DLGAP1: variants seen among roughly 807,000 people sequenced by gnomAD.
DLGAP1 encodes DLG associated protein 1, also known as disks large-associated protein 1.
A neutral mutation model predicts 90.8 loss-of-function variants in DLGAP1; 11 were observed. That is an observed-to-expected ratio of 0.12 (90% CI 0.08 to 0.20). The LOEUF (loss-of-function observed/expected upper bound fraction) is 0.20. DLGAP1 is among the 10% of genes least tolerant of loss of function. The pLI is 1.00. For missense variants in DLGAP1, 1,050 were observed against 1,333.8 expected, an observed-to-expected ratio of 0.79 and a Z score of 3.31; for synonymous variants, 558 against 540.7, an observed-to-expected ratio of 1.03 and a Z score of -0.44.
intron 7 of DLGAP1, among the ~76,000 whole-genome samples, chr18:3,625,828 A>G (rs1214857724): frequency 6.6e-6 from 1 of 152,218 alleles, no homozygotes; most frequent in Non-Finnish European, 1.5e-5. Context: ...CATGTCACAA[A>G]TTCCTTGAAC....
chr18:4,407,900 A>G (rs993000001), intron 1 of DLGAP1, among the ~76,000 whole-genome samples: 1 of 151,072 alleles, frequency 6.6e-6, no homozygotes, highest in East Asian at 1.9e-4. Flanking sequence ...ATATAAATAA[A>G]TAAGAAAAGT....
intron 1 of DLGAP1, among the ~76,000 whole-genome samples, chr18:4,237,192 T>C (rs140174109): frequency 6.6e-6 from 1 of 152,266 alleles, no homozygotes; most frequent in East Asian, 1.9e-4. Context: ...GAAGCTTCGG[T>C]CCTTGCCTAT....
chr18:4,153,363 C>T (rs7235894), intron 1 of DLGAP1, among the ~76,000 whole-genome samples: 28,327 of 152,096 alleles, frequency 0.19, 3,356 homozygotes, highest in East Asian at 0.53. Context: ...CCAATTCTGT[C>T]TGATTTACTC....
At chr18:4,075,801 G>T (rs2143532882) in intron 2 of DLGAP1, among the ~76,000 whole-genome samples, 1 of 152,300 alleles carries the variant, frequency 6.6e-6, no homozygotes, top group Middle Eastern at 3.4e-3. Context: ...TTATAGAGTT[G>T]TTCTTTGTTC....
chr18:4,100,871 C>T (rs979685259), intron 2 of DLGAP1, among the ~76,000 whole-genome samples: 3 of 152,190 alleles, frequency 2.0e-5, no homozygotes, highest in African/African-American at 7.2e-5. Flanking sequence ...GCATCTTTCT[C>T]ATCTCTTTCA....
At position 4,008,719 on chromosome 18, in the gene DLGAP1, T is replaced by C. The variant is rs1354579346; in HGVS notation, c.-158-3518A>G. Among the ~76,000 whole-genome samples the C allele has an allele frequency of 3.3e-5, 5 of 152,226 alleles. No homozygotes were observed. In the East Asian group the frequency reaches 9.6e-4, roughly 29 times the overall value. ...AATAACAATTCCTATACAACTACCATATGCTTTTGATTTAGGTAGTTCAGT... is the reference window on the plus strand; with the variant it reads ...AATAACAATTCCTATACAACTACCACATGCTTTTGATTTAGGTAGTTCAGT... On this transcript the variant is annotated intron_variant, in intron 2 of 12. Transcript: ENST00000315677.
intron 7 of DLGAP1, among the ~76,000 whole-genome samples, chr18:3,606,299 C>T (rs959806334): frequency 4.6e-5 from 7 of 152,154 alleles, no homozygotes; most frequent in Admixed American, 2.6e-4. Context: ...TAGAACCCTT[C>T]CCCGCTTCCT....
chr18:4,079,915 T>C (rs1378690707), intron 2 of DLGAP1, among the ~76,000 whole-genome samples: 3 of 152,124 alleles, frequency 2.0e-5, no homozygotes, highest in Non-Finnish European at 4.4e-5. Flanking sequence ...CTCTTCCTTA[T>C]ACATTCGGGG....
At chr18:3,600,851 T>TATATAGATATATAGATATATAGATAG in intron 7 of DLGAP1, among the ~76,000 whole-genome samples, 1 of 69,570 alleles carries the variant, frequency 1.4e-5, no homozygotes, top group African/African-American at 6.7e-5. Context: ...TATATAGATA[T>TATATAGATATATAGATATATAGATAG]ATAGATATAT....
intron 1 of DLGAP1, among the ~76,000 whole-genome samples, chr18:4,376,374 AC>A (rs1428798414): frequency 1.3e-5 from 2 of 152,296 alleles, no homozygotes; most frequent in Non-Finnish European, 2.9e-5. Context: ...TGTGGAATCC[AC>A]GTAGAAATCA....
At chr18:4,402,923 A>G (rs1567893569) in intron 1 of DLGAP1, among the ~76,000 whole-genome samples, 1 of 152,142 alleles carries the variant, frequency 6.6e-6, no homozygotes, top group Non-Finnish European at 1.5e-5. Context: ...CTCCAACAAT[A>G]TTGTACACTC....
rs559361604 is a variant in DLGAP1, at chr18:4,204,004, C to T, written c.-266-52717G>A. Reference sequence around the variant, plus strand: ...CACAAGAAGCTTAGGATTTACCATGCTTCTAGATTTGACTGTCAAATAACA... The same window carrying T: ...CACAAGAAGCTTAGGATTTACCATGTTTCTAGATTTGACTGTCAAATAACA... On this transcript the variant is annotated intron_variant, in intron 1 of 12. Coordinates refer to ENST00000315677, the MANE Select transcript of DLGAP1 (RefSeq NM_004746.4). 2.0e-5 allele frequency among the ~76,000 whole-genome samples: 3 copies of T among 152,310 alleles called. No individual in the cohort carries two copies. In the South Asian group the frequency reaches 6.2e-4, roughly 32 times the overall value.
At chr18:3,813,120 A>C (rs2066923958) in intron 5 of DLGAP1, among the ~76,000 whole-genome samples, 1 of 152,252 alleles carries the variant, frequency 6.6e-6, no homozygotes, top group African/African-American at 2.4e-5. Context: ...CTTTGTTTAC[A>C]AACAGCACAA....
intron 1 of DLGAP1, among the ~76,000 whole-genome samples, chr18:4,432,099 GA>G (rs2144757260): frequency 1.3e-5 from 2 of 152,278 alleles, no homozygotes; most frequent in African/African-American, 4.8e-5. Context: ...GATTCAACGT[GA>G]AAGTTAAAAT....
At chr18:3,754,877 A>G (rs1167940807) in intron 5 of DLGAP1, among the ~76,000 whole-genome samples, 6 of 152,112 alleles carry the variant, frequency 3.9e-5, no homozygotes, top group Non-Finnish European at 8.8e-5. Flanking sequence ...GCGTGGCGAC[A>G]GAGCAAGACT....
rs1215986453 is a variant in DLGAP1 at position 3,565,627 on chromosome 18, A to G, written c.2057+1863T>C. Among the ~76,000 whole-genome samples, 1 of 151,706 alleles carries G rather than the reference A, an allele frequency of 6.6e-6. No individual in the cohort carries two copies. Among genetic ancestry groups the G allele is most frequent in the African/African-American group, 2.4e-5 (1 of 41,352 alleles). ...AAGGCGGGTGGATCACAAGGTCAAGATGATCGAAACCATCCTGGCCAACAT... is the reference window on the plus strand; with the variant it reads ...AAGGCGGGTGGATCACAAGGTCAAGGTGATCGAAACCATCCTGGCCAACAT... On this transcript the variant is annotated intron_variant, in intron 9 of 12. Transcript: ENST00000315677. This position sits in a 1 kb window ranked among gnomAD's most constrained non-coding sequence, Gnocchi z 4.0.
At chr18:4,052,897 A>G (rs1476982519) in intron 2 of DLGAP1, among the ~76,000 whole-genome samples, 2 of 152,144 alleles carry the variant, frequency 1.3e-5, no homozygotes, top group African/African-American at 4.8e-5. Context: ...TGCTGGAATC[A>G]CCACTGCTCC....
At chr18:3,650,654 G>A (rs1447614202) in intron 7 of DLGAP1, among the ~76,000 whole-genome samples, 1 of 152,150 alleles carries the variant, frequency 6.6e-6, no homozygotes, top group East Asian at 1.9e-4. Context: ...ATTCCATTTA[G>A]TATTCCTGAC....
At chr18:3,816,419 T>G (rs1893417065) in intron 4 of DLGAP1, among the ~76,000 whole-genome samples, 1 of 152,200 alleles carries the variant, frequency 6.6e-6, no homozygotes, top group Non-Finnish European at 1.5e-5. Flanking sequence ...CATAATTCTT[T>G]CCTTTTTAAT....
Sources: gnomAD v4.1 joint callset for allele counts (sites outside exome capture counted in the v4.1 genomes callset) on GRCh38, gnomAD v4.1.1 for gene constraint, Gnocchi (gnomAD v3.1) non-coding constraint, MANE v1.5 for transcripts, NCBI Gene and HGNC (gene_info 2026-07-23, HGNC 2026-07-21) for gene names.